The following RYR2 variants were observed in gnomAD, a reference collection of about 807,000 sequenced individuals.
RYR2 encodes the protein ryanodine receptor 2, also known as cardiac muscle ryanodine receptor-calcium release channel.
RYR2 carries 227 observed loss-of-function variants against 601.1 expected under a neutral mutation model. That is an observed-to-expected ratio of 0.38 (90% confidence interval 0.34 to 0.42). The LOEUF (loss-of-function observed/expected upper bound fraction) is 0.42, where lower values mean the gene tolerates loss of function less well. Among genes scored for constraint, RYR2 ranks in the 10% least tolerant of loss-of-function variants. The probability of loss-of-function intolerance (pLI) is 1.00; values close to 1 mark genes in which losing one functional copy is unlikely to be tolerated. For missense variants in RYR2, 4,646 were observed against 6,156.5 expected, an observed-to-expected ratio of 0.75 and a Z score of 8.21; for synonymous variants, 2,223 against 2,175.1, an observed-to-expected ratio of 1.02 and a Z score of -0.61.
intron 10 of RYR2, among the ~76,000 whole-genome samples, chr1:237,401,090 CAA>C (rs1703309952): frequency 6.6e-6 from 1 of 152,108 alleles, no homozygotes; most frequent in South Asian, 2.1e-4. Context: ...TGCCATAAGA[CAA>C]TATGAGATTA....
chr1:237,727,122 G>A lies in RYR2; in HGVS notation c.10761G>A (p.Trp3587Ter). The change falls in exon 76 of 105, where the codon TGG (tryptophan) becomes TGA (stop). Residue 3587 changes from tryptophan to a stop codon, truncating the protein, a stop_gained. Transcript: ENST00000366574. LOFTEE classifies it high-confidence loss of function. Reference sequence around the variant, plus strand: ...CTCAGAGATCTAAAAAGGCTGTATGGCATAAACTACTGTCCAAGCAGAGGA... The same window carrying A: ...CTCAGAGATCTAAAAAGGCTGTATGACATAAACTACTGTCCAAGCAGAGGA... ...EHPQRSKKAV[W>*]HKLLSKQRKR... The A allele has an allele frequency of 6.2e-7, 1 of 1,604,646 alleles. No individual in the cohort carries two copies. The highest frequency in any genetic ancestry group is 8.5e-7 in the Non-Finnish European group (1 of 1,171,920).
chr1:237,794,187 G>T (rs1174532906), intron 95 of RYR2, among the ~76,000 whole-genome samples, 190 bp downstream of exon 95: 1 of 152,098 alleles, frequency 6.6e-6, no homozygotes, highest in Non-Finnish European at 1.5e-5. Context: ...TTTGCCCTCT[G>T]AGTTCTGAAT....
chr1:237,804,075 C>T (rs758592470), intron 98 of RYR2, among the ~76,000 whole-genome samples: 4 of 152,094 alleles, frequency 2.6e-5, no homozygotes, highest in South Asian at 2.1e-4. Context: ...ATATATTGAA[C>T]GTTGACCAGC....
intron 16 of RYR2, among the ~76,000 whole-genome samples, chr1:237,465,071 C>T (rs1026678666): frequency 5.1e-5 from 7 of 136,702 alleles, no homozygotes; most frequent in African/African-American, 1.9e-4. Context: ...CCATGACATG[C>T]GCCTACATAC....
chr1:237,551,760 A>T (rs1440323994), intron 27 of RYR2, among the ~76,000 whole-genome samples: 1 of 152,174 alleles, frequency 6.6e-6, no homozygotes, highest in East Asian at 1.9e-4. Context: ...ATAAAAGTGG[A>T]TCTTAAATAA....
chr1:237,546,997 T>TATATATATATATATATATATATATATATA (rs58050661), intron 25 of RYR2, among the ~76,000 whole-genome samples: 2 of 83,336 alleles, frequency 2.4e-5, no homozygotes, highest in Admixed American at 1.4e-4. Context: ...ATATATATAT[T>TATATATATATATATATATATATATATATA]TATTTATTTA....
chr1:237,827,838 G>T (rs1663309819), intron 101 of RYR2, among the ~76,000 whole-genome samples: 1 of 146,070 alleles, frequency 6.8e-6, no homozygotes, highest in Admixed American at 7.1e-5. Context: ...TGGGGAGGCT[G>T]AAGCAGGAGA....
intron 1 of RYR2, among the ~76,000 whole-genome samples, chr1:237,176,050 A>G (rs188597138): frequency 1.2e-4 from 18 of 152,046 alleles, no homozygotes; most frequent in Admixed American, 6.6e-5. Context: ...TGGGCAACAT[A>G]GTGAGACCTT....
At position 237,456,680 on chromosome 1, in the gene RYR2, G is replaced by A. The variant is rs772984197; in HGVS notation, c.1557G>A (p.Gly519=). The A allele has an allele frequency of 6.2e-7, 1 of 1,613,636 alleles. No individual in the cohort carries two copies. The change falls in exon 16 of 105, where the codon GGG becomes GGA. Residue 519 remains glycine (G), a synonymous_variant. Transcript: ENST00000366574. ...SSAAHFADVA[G]REAGESWKSI... ...CAGCACACTTTGCTGATGTTGCTGG[G>A]CGAGAAGCAGGAGAGTCTTGGAAAT...
intron 25 of RYR2, among the ~76,000 whole-genome samples, chr1:237,532,572 G>A (rs759721218): frequency 6.6e-6 from 1 of 151,670 alleles, no homozygotes; most frequent in Non-Finnish European, 1.5e-5. Flanking sequence ...TCCAAAAAAG[G>A]CATTATTAAG....
rs761039434 is a variant in RYR2 at position 237,784,115 on chromosome 1, C to T, written c.12403C>T (p.Arg4135Cys). 6 of 1,613,840 alleles carry T rather than the reference C, an allele frequency of 3.7e-6. No individual in the cohort carries two copies. Among genetic ancestry groups the T allele is most frequent in the African/African-American group, 1.3e-5 (1 of 74,902 alleles). Residue 4135 changes from arginine (R) to cysteine (C), a missense_variant, in exon 90 of 105, where the codon CGC becomes TGC. Arg to Cys is a radical substitution (Grantham distance 180). This residue lies in a region of RYR2 where 70 missense variants were observed against 164.6 expected (regional missense o/e 0.43). Transcript: ENST00000366574. The surrounding 1 kb of genome is among the most constrained non-coding windows in gnomAD (Gnocchi z 7.1). ...GAATTATTTCCAGCCCTTTCTGGGC[C>T]GCATCGAAATCATGGGAAGCGCCAA... ...VLNYFQPFLGRIEIMGSAKRI... is the reference protein window; with the variant it reads ...VLNYFQPFLGCIEIMGSAKRI...
intron 16 of RYR2, among the ~76,000 whole-genome samples, chr1:237,460,811 T>G (rs1659390116): frequency 6.6e-6 from 1 of 152,174 alleles, no homozygotes; most frequent in Non-Finnish European, 1.5e-5. Flanking sequence ...CAATAGTCAT[T>G]CCCCTCATAA....
At chr1:237,467,781 T>G (rs1660245134) in intron 16 of RYR2, among the ~76,000 whole-genome samples, 1 of 152,116 alleles carries the variant, frequency 6.6e-6, no homozygotes, top group Admixed American at 6.5e-5. Flanking sequence ...CCTCCTGCTC[T>G]TAACAGGGAG....
In RYR2 at chr1:237,454,372, T is replaced by C. The variant is rs1272411766; in HGVS notation, c.1293-19T>C. On this transcript the variant is annotated intron_variant, in intron 14 of 104. Coordinates refer to ENST00000366574, the MANE Select transcript of RYR2 (RefSeq NM_001035.3). ...TTGTGAATCACTGACAATAGAGAAA[T>C]GTTTATGGTTTATTTTAGGGGCCTT... 3 of 1,568,284 alleles carry C rather than the reference T, an allele frequency of 1.9e-6. No individual in the cohort carries two copies. The highest frequency in any genetic ancestry group is 1.7e-4 in the Middle Eastern group (1 of 5,798).
chr1:237,208,110 G>A (rs1003100918), intron 1 of RYR2, among the ~76,000 whole-genome samples: 3 of 152,238 alleles, frequency 2.0e-5, no homozygotes, highest in Admixed American at 1.3e-4. Context: ...TTGCTCTGTT[G>A]CAGCCAGCAC....
At chr1:237,693,631 A>G (rs1687140554) in intron 63 of RYR2, among the ~76,000 whole-genome samples, 1 of 152,248 alleles carries the variant, frequency 6.6e-6, no homozygotes, top group Non-Finnish European at 1.5e-5. Context: ...CAGGAGTATT[A>G]AACAAGATAA....
intron 1 of RYR2, among the ~76,000 whole-genome samples, chr1:237,216,975 G>C (rs1202621549): frequency 6.6e-6 from 1 of 152,088 alleles, no homozygotes; most frequent in East Asian, 1.9e-4. Flanking sequence ...GCTCCTCCAG[G>C]GTACCTGAAA....
At chr1:237,605,214 C>G (rs1432401363) in intron 35 of RYR2, among the ~76,000 whole-genome samples, 3 of 152,152 alleles carry the variant, frequency 2.0e-5, no homozygotes, top group Non-Finnish European at 4.4e-5. Flanking sequence ...CATCAAAAAG[C>G]TTATCCACCA....
At chr1:237,597,079 G>A (rs1675971945) in intron 34 of RYR2, among the ~76,000 whole-genome samples, 1 of 152,200 alleles carries the variant, frequency 6.6e-6, no homozygotes, top group Non-Finnish European at 1.5e-5. Flanking sequence ...CCCATTCGTA[G>A]AAGTAAATTT....
Sources: allele counts gnomAD v4.1 joint callset (sites outside exome capture counted in the v4.1 genomes callset), GRCh38; gene constraint gnomAD v4.1.1; regional missense constraint gnomAD v4.1.1; non-coding constraint Gnocchi (gnomAD v3.1); transcripts MANE v1.5; gene names NCBI Gene and HGNC (gene_info 2026-07-23, HGNC 2026-07-21).